Variants in FUT9 observed in about 807,000 individuals in gnomAD.
FUT9 encodes fucosyltransferase 9.
Under a neutral mutation model 29.7 loss-of-function variants are expected in FUT9, and 15 were observed. That is an observed-to-expected ratio of 0.51 (90% confidence interval 0.34 to 0.78). FUT9 has a LOEUF of 0.78. FUT9 is among the 30% of genes least tolerant of loss of function. FUT9 has a pLI of 0.01. For missense variants in FUT9, 319 were observed against 425.4 expected (o/e 0.75, Z 2.20); for synonymous variants, 169 against 153.7 (o/e 1.10, Z -0.74).
intron 2 of FUT9, among the ~76,000 whole-genome samples, chr6:96,168,421 T>C (rs1212719989): frequency 6.6e-6 from 1 of 151,332 alleles, no homozygotes; most frequent in Non-Finnish European, 1.5e-5. Flanking sequence ...AGAGAAAGAG[T>C]GATCAGAAAG....
intron 2 of FUT9, among the ~76,000 whole-genome samples, chr6:96,136,788 A>C (rs960066099): frequency 1.1e-4 from 16 of 152,018 alleles, no homozygotes; most frequent in Admixed American, 2.6e-4. Context: ...GATTTAAAAC[A>C]ATAGCAGAAA....
At chr6:96,081,525 A>G (rs187062092) in intron 1 of FUT9, among the ~76,000 whole-genome samples, 29 of 151,950 alleles carry the variant, frequency 1.9e-4, no homozygotes, top group African/African-American at 7.0e-4. Context: ...CTTACAATGT[A>G]TATATAAATT....
At chr6:96,020,599 G>A (rs9322606) in intron 1 of FUT9, among the ~76,000 whole-genome samples, 2,003 of 147,198 alleles carry the variant, frequency 0.014, 30 homozygotes, top group Non-Finnish European at 0.021. Flanking sequence ...TCATTACTGC[G>A]TAAAAAAATA....
At chr6:96,158,373 A>G (rs1676045717) in intron 2 of FUT9, among the ~76,000 whole-genome samples, 1 of 152,090 alleles carries the variant, frequency 6.6e-6, no homozygotes, top group African/African-American at 2.4e-5. Context: ...TATAATATAT[A>G]TGATATGTGT....
intron 1 of FUT9, among the ~76,000 whole-genome samples, chr6:96,106,880 A>G (rs1413671558): frequency 1.3e-5 from 2 of 152,236 alleles, no homozygotes; most frequent in African/African-American, 2.4e-5. Context: ...TTTTTCAGAC[A>G]TATGTCTCAG....
intron 2 of FUT9, among the ~76,000 whole-genome samples, chr6:96,165,432 A>G (rs1159841825): frequency 8.3e-6 from 1 of 120,034 alleles, no homozygotes; most frequent in Non-Finnish European, 1.9e-5. Context: ...CTCCATCTCA[A>G]AAAGAAAAAA....
intron 1 of FUT9, among the ~76,000 whole-genome samples, chr6:96,063,022 T>G (rs1294184903): frequency 1.3e-5 from 2 of 152,114 alleles, no homozygotes; most frequent in Admixed American, 6.6e-5. Context: ...GTAATTTCCT[T>G]GTGAAAAGAT....
At chr6:96,113,030 C>T (rs1771839683) in intron 1 of FUT9, among the ~76,000 whole-genome samples, 1 of 152,032 alleles carries the variant, frequency 6.6e-6, no homozygotes, top group Non-Finnish European at 1.5e-5. Flanking sequence ...TCTAAGCATT[C>T]AGATAGTTGT....
intron 2 of FUT9, among the ~76,000 whole-genome samples, chr6:96,135,068 G>C (rs191849968): frequency 6.6e-6 from 1 of 151,836 alleles, no homozygotes; most frequent in African/African-American, 2.4e-5. Flanking sequence ...GGAGTAACAT[G>C]TTGCTTGGAA....
chr6:96,093,520 T>C (rs1771448144), intron 1 of FUT9, among the ~76,000 whole-genome samples: 1 of 152,140 alleles, frequency 6.6e-6, no homozygotes, highest in African/African-American at 2.4e-5. Flanking sequence ...ATCTTGGCAA[T>C]ATATATCAAC....
chr6:96,182,672 C>G (rs1022063478), intron 2 of FUT9, among the ~76,000 whole-genome samples: 2 of 152,050 alleles, frequency 1.3e-5, no homozygotes, highest in Non-Finnish European at 2.9e-5. Context: ...GCCAATTATC[C>G]CAGCACCATT....
chr6:96,150,188 T>C (rs891882168), intron 2 of FUT9, among the ~76,000 whole-genome samples: 1 of 152,218 alleles, frequency 6.6e-6, no homozygotes, highest in South Asian at 2.1e-4. Flanking sequence ...TGGTGTGCTA[T>C]ACTAAATGGT....
chr6:96,190,271 G>T (rs1207043340), intron 2 of FUT9, among the ~76,000 whole-genome samples: 1 of 152,186 alleles, frequency 6.6e-6, no homozygotes, highest in Non-Finnish European at 1.5e-5. Context: ...TCTGCCAAGA[G>T]ATCAGCTGTT....
chr6:96,108,685 T>A (rs556881305), intron 1 of FUT9, among the ~76,000 whole-genome samples: 171 of 152,288 alleles, frequency 1.1e-3, no homozygotes, highest in Non-Finnish European at 2.0e-3. Context: ...AATGACATTA[T>A]CCTTGTTATG....
At chr6:96,061,593 T>C (rs1562112331) in intron 1 of FUT9, among the ~76,000 whole-genome samples, 1 of 152,070 alleles carries the variant, frequency 6.6e-6, no homozygotes, top group East Asian at 1.9e-4. Context: ...GAATTTTTAA[T>C]GCTTTTTATA....
intron 1 of FUT9, among the ~76,000 whole-genome samples, chr6:96,106,474 C>T (rs1233338868): frequency 6.6e-6 from 1 of 152,058 alleles, no homozygotes; most frequent in Non-Finnish European, 1.5e-5. Context: ...CCCTGGCCTA[C>T]TTTCCCAATC....
At chr6:96,117,854 A>T (rs980383363) in intron 2 of FUT9, among the ~76,000 whole-genome samples, 5 of 152,176 alleles carry the variant, frequency 3.3e-5, no homozygotes, top group African/African-American at 1.2e-4. Flanking sequence ...AAAAACTATT[A>T]TTCACATTTA....
intron 1 of FUT9, among the ~76,000 whole-genome samples, chr6:96,033,924 A>G (rs1008916611): frequency 6.6e-6 from 1 of 151,558 alleles, no homozygotes; most frequent in African/African-American, 2.4e-5. Context: ...ACACACACAC[A>G]TATTCATCCT....
At chr6:96,043,164 G>C (rs1432241609) in intron 1 of FUT9, among the ~76,000 whole-genome samples, 1 of 152,120 alleles carries the variant, frequency 6.6e-6, no homozygotes, top group Non-Finnish European at 1.5e-5. Flanking sequence ...CCATTCTCCT[G>C]CCTCAGCCTC....
Sources: gnomAD v4.1 joint callset for allele counts (sites outside exome capture counted in the v4.1 genomes callset) on GRCh38, gnomAD v4.1.1 for gene constraint, MANE v1.5 for transcripts, NCBI Gene and HGNC (gene_info 2026-07-23, HGNC 2026-07-21) for gene names.